The following IL1RAPL1 variants were observed in gnomAD, a reference collection of about 807,000 sequenced individuals.
IL1RAPL1 encodes the protein interleukin-1 receptor accessory protein-like 1.
A neutral mutation model predicts 48.4 loss-of-function variants in IL1RAPL1; 3 were observed. The observed-to-expected ratio is 0.06, with a 90% confidence interval of 0.03 to 0.16. The LOEUF (loss-of-function observed/expected upper bound fraction) is 0.16. Among genes scored for constraint, IL1RAPL1 ranks in the 10% least tolerant of loss-of-function variants. IL1RAPL1 has a pLI of 1.00. For synonymous variants in IL1RAPL1, 185 were observed against 187.7 expected, an observed-to-expected ratio of 0.99 and a Z score of 0.12; for missense variants, 349 against 530.6, an observed-to-expected ratio of 0.66 and a Z score of 3.36.
intron 3 of IL1RAPL1, among the ~76,000 whole-genome samples, chrX:29,393,323 A>G (rs1301104398): frequency 2.1e-4 from 23 of 111,752 alleles, no homozygotes; most frequent in Non-Finnish European, 4.0e-4. Flanking sequence ...GGGTTTCCCC[A>G]TGTTAGCCAG....
chrX:29,302,577 G>A (rs185532027), intron 3 of IL1RAPL1, among the ~76,000 whole-genome samples: 95 of 112,127 alleles, frequency 8.5e-4, no homozygotes, highest in Non-Finnish European at 1.6e-3. Flanking sequence ...CATGACTTGG[G>A]TCATTTTTAG....
chrX:29,381,306 A>G (rs1933694072), intron 3 of IL1RAPL1, among the ~76,000 whole-genome samples: 1 of 107,297 alleles, frequency 9.3e-6, no homozygotes, highest in Non-Finnish European at 1.9e-5. Flanking sequence ...ATAAGCTTTC[A>G]TGGAGATTTT....
At chrX:29,943,715 A>C (rs1186927961) in intron 9 of IL1RAPL1, among the ~76,000 whole-genome samples, 3 of 111,991 alleles carry the variant, frequency 2.7e-5, no homozygotes, top group African/African-American at 9.7e-5. Flanking sequence ...TTACCAAACT[A>C]TCAATTTCTA....
intron 2 of IL1RAPL1, among the ~76,000 whole-genome samples, chrX:29,228,223 CAA>C (rs1931123020): frequency 1.2e-5 from 1 of 84,303 alleles, no homozygotes; most frequent in Admixed American, 1.3e-4. Context: ...CACACACACA[CAA>C]CTGTGACCAT....
intron 2 of IL1RAPL1, among the ~76,000 whole-genome samples, chrX:28,928,702 C>G (rs969214943): frequency 4.5e-5 from 5 of 112,070 alleles, no homozygotes; most frequent in Non-Finnish European, 7.5e-5. Flanking sequence ...CTTTCCTGAC[C>G]TAACGAAAGT....
Position 29,716,171 on chromosome X carries a change from A to G in IL1RAPL1, c.778+47667A>G, listed in dbSNP as rs762608930. 1.3e-4 allele frequency among the ~76,000 whole-genome samples: 15 copies of G among 111,368 alleles called. No individual in the cohort carries two copies. In the South Asian group the frequency reaches 5.7e-3, roughly 42 times the overall value. On this transcript the variant is annotated intron_variant, in intron 6 of 10. Transcript: ENST00000378993. ...GGGTGAGAGCTCAGGTGAAACTGGG[A>G]GGGGCTCTGGAGATGGAATGTCCCT... is the stretch of plus-strand genomic sequence containing the variant.
chrX:29,913,495 G>T (rs952942448), intron 6 of IL1RAPL1, among the ~76,000 whole-genome samples: 1 of 108,930 alleles, frequency 9.2e-6, no homozygotes, highest in African/African-American at 3.4e-5. Flanking sequence ...GCCTTAACAG[G>T]ATTCCTACTT....
chrX:29,403,502 A>T (rs1934019741), intron 5 of IL1RAPL1, among the ~76,000 whole-genome samples: 3 of 111,786 alleles, frequency 2.7e-5, no homozygotes, highest in African/African-American at 9.8e-5. Context: ...AATTATACCA[A>T]AAATGAATAC....
chrX:29,918,196 T>C (rs866901996), intron 7 of IL1RAPL1, among the ~76,000 whole-genome samples: 29 of 65,075 alleles, frequency 4.5e-4, no homozygotes, highest in African/African-American at 1.9e-3. Flanking sequence ...CCATAAAATA[T>C]AGAAAATGTT....
intron 1 of IL1RAPL1, among the ~76,000 whole-genome samples, chrX:28,765,130 A>G (rs1401125353): frequency 2.1e-5 from 2 of 96,366 alleles, no homozygotes; most frequent in Admixed American, 2.3e-4. Flanking sequence ...AGGAAGGGGA[A>G]CATCACACAC....
At chrX:28,897,962 G>C (rs1302232528) in intron 2 of IL1RAPL1, among the ~76,000 whole-genome samples, 1 of 111,312 alleles carries the variant, frequency 9.0e-6, no homozygotes, top group Non-Finnish European at 1.9e-5. Flanking sequence ...TGAGCCAGGA[G>C]AGGGAATTTC....
intron 2 of IL1RAPL1, among the ~76,000 whole-genome samples, chrX:28,952,632 A>G (rs1216928081): frequency 9.0e-6 from 1 of 111,331 alleles, no homozygotes; most frequent in Admixed American, 9.6e-5. Flanking sequence ...TGCTAGTATC[A>G]CTAAGAATAA....
intron 6 of IL1RAPL1, among the ~76,000 whole-genome samples, chrX:29,823,509 A>C (rs994468754): frequency 8.9e-6 from 1 of 112,219 alleles, no homozygotes; most frequent in Admixed American, 9.5e-5. Context: ...AGACTAGACT[A>C]TTCACTTTGC....
intron 2 of IL1RAPL1, among the ~76,000 whole-genome samples, chrX:28,977,483 A>T (rs1013107407): frequency 8.9e-6 from 1 of 112,198 alleles, no homozygotes; most frequent in Non-Finnish European, 1.9e-5. Context: ...CCCATTCATG[A>T]GAACTCTGCC....
intron 3 of IL1RAPL1, among the ~76,000 whole-genome samples, chrX:29,328,737 A>G (rs1303960981): frequency 9.1e-6 from 1 of 110,105 alleles, no homozygotes; most frequent in Non-Finnish European, 1.9e-5. Context: ...GATTTCAGTA[A>G]TAACGTCATG....
intron 2 of IL1RAPL1, among the ~76,000 whole-genome samples, chrX:28,972,695 T>C (rs1026651058): frequency 1.6e-4 from 18 of 111,256 alleles, no homozygotes; most frequent in African/African-American, 3.9e-4. Flanking sequence ...GCCGAGATCG[T>C]GCCACTGCCC....
At chrX:28,881,825 A>G (rs752478459) in intron 2 of IL1RAPL1, among the ~76,000 whole-genome samples, 1 of 111,439 alleles carries the variant, frequency 9.0e-6, no homozygotes, top group South Asian at 3.8e-4. Flanking sequence ...ATTTAAAATT[A>G]TCAGGTCAGA....
intron 1 of IL1RAPL1, among the ~76,000 whole-genome samples, chrX:28,765,153 TGGGGTG>T (rs1936221444): frequency 2.2e-4 from 1 of 4,606 alleles, no homozygotes; most frequent in Admixed American, 2.8e-3. Context: ...GGGCCTGTTG[TGGGGTG>T]GGGGTGGGGG....
At chrX:28,614,962 C>T (rs960378041) in intron 1 of IL1RAPL1, among the ~76,000 whole-genome samples, 6 of 110,745 alleles carry the variant, frequency 5.4e-5, no homozygotes, top group East Asian at 2.8e-4. Context: ...GATCGTGGCT[C>T]ACTGCAAGCT....
Sources: allele counts gnomAD v4.1 joint callset (sites outside exome capture counted in the v4.1 genomes callset), GRCh38; gene constraint gnomAD v4.1.1; transcripts MANE v1.5; gene names NCBI Gene and HGNC (gene_info 2026-07-23, HGNC 2026-07-21).